The following GFPT1 variants were observed in gnomAD, a reference collection of about 807,000 sequenced individuals.
GFPT1 encodes glutamine--fructose-6-phosphate aminotransferase [isomerizing] 1.
Under a neutral mutation model 92.0 loss-of-function variants are expected in GFPT1, and 40 were observed. That is an observed-to-expected ratio of 0.43 (90% CI 0.34 to 0.57). GFPT1 has a LOEUF of 0.57. Among genes scored for constraint, GFPT1 ranks in the 20% least tolerant of loss-of-function variants. The pLI is 0.02. For missense variants in GFPT1, 448 were observed against 869.1 expected, an observed-to-expected ratio of 0.52 and a Z score of 6.09; for synonymous variants, 269 against 280.6, an observed-to-expected ratio of 0.96 and a Z score of 0.41.
intron 4 of GFPT1, among the ~76,000 whole-genome samples, chr2:69,360,579 C>G (rs1671447855): frequency 6.6e-6 from 1 of 151,716 alleles, no homozygotes; most frequent in Admixed American, 6.6e-5. Flanking sequence ...GCTGGGATTA[C>G]AGCTGCTTAC....
At chr2:69,333,321 T>G (rs955156292) in intron 15 of GFPT1, among the ~76,000 whole-genome samples, 1 of 152,264 alleles carries the variant, frequency 6.6e-6, no homozygotes, top group African/African-American at 2.4e-5. Context: ...AGTGTTTATT[T>G]GTTTGAACTG....
At chr2:69,357,992 G>A (rs1671380980) in intron 6 of GFPT1, among the ~76,000 whole-genome samples, 1 of 152,186 alleles carries the variant, frequency 6.6e-6, no homozygotes, top group Non-Finnish European at 1.5e-5. Context: ...AAGAAGCAAG[G>A]GAATAACTAA....
chr2:69,368,690 T>C (rs1055630822), intron 3 of GFPT1, among the ~76,000 whole-genome samples: 12 of 151,118 alleles, frequency 7.9e-5, no homozygotes, highest in African/African-American at 2.4e-4. Context: ...GATTGCACCA[T>C]TGCACTCCAG....
In GFPT1 at chr2:69,337,926, C is replaced by G; in HGVS notation, c.1454G>C (p.Gly485Ala). The change falls in exon 15 of 20, where the codon GGT (glycine) becomes GCT (alanine). Residue 485 changes from glycine to alanine, a missense_variant. Physicochemically the swap from Gly to Ala is moderately conservative, Grantham distance 60. Around this residue, in one of 7 missense-constraint regions of GFPT1, gnomAD observed 121 missense variants for 304.3 expected, o/e 0.40. Transcript: ENST00000357308. ...TGTACTGGCCACACCAATCTCAGGA[C>G]CAGCATTAATATGAACTCCACAATC... is the stretch of plus-strand genomic sequence containing the variant. ...ETDCGVHINA[G>A]PEIGVASTKA... The G allele has an allele frequency of 1.2e-6, 2 of 1,613,788 alleles. No homozygotes were observed. The highest frequency in any genetic ancestry group is 1.7e-6 in the Non-Finnish European group (2 of 1,179,752).
chr2:69,349,655 A>C (rs1183227563), intron 10 of GFPT1, among the ~76,000 whole-genome samples: 1 of 152,216 alleles, frequency 6.6e-6, no homozygotes, highest in Non-Finnish European at 1.5e-5. Context: ...ATTATGCTGC[A>C]AATTAATTCT....
intron 12 of GFPT1, 101 bp from the exon 13 acceptor site, chr2:69,342,350 G>A (rs1182505457): frequency 1.3e-6 from 1 of 770,414 alleles, no homozygotes; most frequent in Non-Finnish European, 2.3e-6. Context: ...GAAGAATACT[G>A]CTGTTTTAAA....
intron 1 of GFPT1, among the ~76,000 whole-genome samples, chr2:69,381,388 A>C (rs1436742069): frequency 2.0e-5 from 3 of 152,034 alleles, no homozygotes; most frequent in African/African-American, 7.2e-5. Flanking sequence ...TGATCCTCCC[A>C]CCTCAGCCTC....
chr2:69,365,627 T>C (rs1303509513), intron 3 of GFPT1, among the ~76,000 whole-genome samples: 1 of 152,188 alleles, frequency 6.6e-6, no homozygotes, highest in East Asian at 1.9e-4. Flanking sequence ...CTAAAAGGTA[T>C]ACATGGCAGA....
intron 2 of GFPT1, among the ~76,000 whole-genome samples, chr2:69,373,688 G>A (rs1285900050): frequency 6.6e-6 from 1 of 152,002 alleles, no homozygotes; most frequent in Non-Finnish European, 1.5e-5. Flanking sequence ...GAAATCAATG[G>A]ATAAAAATTA....
intron 9 of GFPT1, among the ~76,000 whole-genome samples, chr2:69,351,057 G>A (rs894114337): frequency 6.6e-5 from 10 of 152,160 alleles, no homozygotes; most frequent in Non-Finnish European, 1.2e-4. Flanking sequence ...CAAAACAGAT[G>A]CATATCACTC....
In GFPT1 at chr2:69,387,144, G is replaced by T; in HGVS notation, c.-73C>A. 6.8e-7 allele frequency: 1 copy of T among 1,476,392 alleles called. No homozygotes were observed. Among genetic ancestry groups the T allele is most frequent in the Non-Finnish European group, 9.0e-7 (1 of 1,115,600 alleles). The allele number at this position is 1,476,392 out of a possible 1,614,324, so 91.5% of individuals were successfully genotyped here. Reference sequence around the variant, plus strand: ...ATCGGGGGTGCACACACGAGCTTCGGTGGGCAATCTGCGGGCTCGGGGGCC... The same window carrying T: ...ATCGGGGGTGCACACACGAGCTTCGTTGGGCAATCTGCGGGCTCGGGGGCC... On this transcript the variant is annotated 5_prime_UTR_variant, in exon 1 of 20. Transcript: ENST00000357308.
chr2:69,363,410 GCTCT>G, intron 4 of GFPT1, 131 bp downstream of exon 4: 1 of 916,520 alleles, frequency 1.1e-6, no homozygotes, highest in Non-Finnish European at 1.7e-6. Flanking sequence ...AGCTCCATAT[GCTCT>G]CTACTACTTC....
At chr2:69,363,372 G>C (rs1163678778) in intron 4 of GFPT1, among the ~76,000 whole-genome samples, 173 bp downstream of exon 4, 1 of 152,084 alleles carries the variant, frequency 6.6e-6, no homozygotes, top group Non-Finnish European at 1.5e-5. Context: ...CCAAAGTGCT[G>C]GGATTACAGG....
chr2:69,342,379 G>A, intron 12 of GFPT1, 130 bp from the exon 13 acceptor site: 1 of 701,030 alleles, frequency 1.4e-6, no homozygotes, highest in Non-Finnish European at 2.5e-6. Context: ...ATTCCTCTTG[G>A]AAAGCACAGT....
At chr2:69,337,034 A>T (rs570567230) in intron 15 of GFPT1, among the ~76,000 whole-genome samples, 2 of 151,416 alleles carry the variant, frequency 1.3e-5, no homozygotes, top group Admixed American at 6.6e-5. Context: ...CTCATTAAAA[A>T]ATTTTTTTTA....
intron 12 of GFPT1, among the ~76,000 whole-genome samples, chr2:69,344,770 AG>A (rs1167339263): frequency 1.3e-5 from 2 of 151,646 alleles, no homozygotes; most frequent in African/African-American, 4.8e-5. Context: ...CAGGCTCTTC[AG>A]TAGCCAGGGC....
In GFPT1 at chr2:69,356,555, T is replaced by C. The variant is rs780082221; in HGVS notation, c.546A>G (p.Glu182=). The change falls in exon 7 of 20, where the codon GAA becomes GAG. Residue 182 remains glutamate, a splice_region_variant and synonymous_variant. Coordinates refer to ENST00000357308, the MANE Select transcript of GFPT1 (RefSeq NM_001244710.2). ...TTTTAAACACAAGTGCAAAAGCACC[T>C]TCCTAGGGAGGGAAAAAAATCCATT... ...TLVERVIQQL[E]GAFALVFKSV... is the part of the protein sequence containing the mutation. 1 of 1,611,846 alleles carries C rather than the reference T, an allele frequency of 6.2e-7. No homozygotes were observed. Among genetic ancestry groups the C allele is most frequent in the East Asian group, 2.2e-5 (1 of 44,838 alleles).
At chr2:69,362,192 C>T (rs1179798505) in intron 4 of GFPT1, among the ~76,000 whole-genome samples, 5 of 152,128 alleles carry the variant, frequency 3.3e-5, no homozygotes, top group South Asian at 2.1e-4. Flanking sequence ...TGCAATGGGG[C>T]AATCATGGCT....
At chr2:69,342,628 CA>C (rs1558743293) in intron 12 of GFPT1, among the ~76,000 whole-genome samples, 1 of 152,112 alleles carries the variant, frequency 6.6e-6, no homozygotes, top group Non-Finnish European at 1.5e-5. Context: ...GGGTTGACAA[CA>C]ATAGGGTGCA....
Sources: allele counts gnomAD v4.1 joint callset (sites outside exome capture counted in the v4.1 genomes callset), GRCh38; gene constraint gnomAD v4.1.1; regional missense constraint gnomAD v4.1.1; transcripts MANE v1.5; gene names NCBI Gene and HGNC (gene_info 2026-07-23, HGNC 2026-07-21).